TYW1B: variants seen among roughly 807,000 people sequenced by gnomAD.
TYW1B encodes tRNA-yW synthesizing protein 1 homolog B.
Under a neutral mutation model 86.9 loss-of-function variants are expected in TYW1B, and 73 were observed. The observed-to-expected ratio is 0.84, with a 90% CI of 0.70 to 1.02. The LOEUF is 1.02. TYW1B is among the 50% of genes least tolerant of loss of function. The probability of loss-of-function intolerance (pLI) is 0.00; values close to 1 mark genes in which losing one functional copy is unlikely to be tolerated. For synonymous variants in TYW1B, 248 were observed against 292.8 expected (o/e 0.85, Z 1.56); for missense variants, 637 against 827.4 (o/e 0.77, Z 2.82).
At chr7:72,639,905 C>T (rs1287739167) in intron 11 of TYW1B, among the ~76,000 whole-genome samples, 2 of 150,350 alleles carry the variant, frequency 1.3e-5, no homozygotes, top group Non-Finnish European at 3.0e-5. Flanking sequence ...ATGTGAGGTT[C>T]AAACAATATG....
chr7:72,606,071 A>C (rs1182281618), intron 13 of TYW1B, among the ~76,000 whole-genome samples: 2 of 152,184 alleles, frequency 1.3e-5, no homozygotes, highest in East Asian at 3.8e-4. Context: ...AAGAAGGCAC[A>C]CTGGCTAGGG....
chr7:72,724,951 A>T (rs1786971306), intron 9 of TYW1B, among the ~76,000 whole-genome samples: 1 of 152,106 alleles, frequency 6.6e-6, no homozygotes. Flanking sequence ...ATCCCTCAAG[A>T]GAATCTAAAT....
chr7:72,723,675 G>GA (rs1230892035), intron 9 of TYW1B, among the ~76,000 whole-genome samples: 1 of 152,166 alleles, frequency 6.6e-6, no homozygotes, highest in Non-Finnish European at 1.5e-5. Flanking sequence ...TTGAAAGGCT[G>GA]AGACAGGAGG....
intron 7 of TYW1B, among the ~76,000 whole-genome samples, chr7:72,748,232 G>A (rs797037294): frequency 2.2e-4 from 33 of 152,040 alleles, no homozygotes; most frequent in African/African-American, 6.3e-4. Context: ...TGGCGCCACT[G>A]CACTCCAGCC....
intron 7 of TYW1B, 139 bp downstream of exon 7, chr7:72,777,273 GAAGT>G: frequency 2.0e-6 from 2 of 987,984 alleles, no homozygotes; most frequent in Non-Finnish European, 3.0e-6. Context: ...GCGATCCACA[GAAGT>G]AAGAAGGTAA....
chr7:72,634,202 A>C (rs1812612222), intron 11 of TYW1B, among the ~76,000 whole-genome samples: 1 of 151,042 alleles, frequency 6.6e-6, no homozygotes, highest in African/African-American at 2.4e-5. Context: ...GGCTTGAGAT[A>C]GGGTCTGGCT....
intron 13 of TYW1B, among the ~76,000 whole-genome samples, chr7:72,588,523 C>A (rs1410662781): frequency 9.2e-5 from 14 of 152,150 alleles, no homozygotes; most frequent in South Asian, 4.1e-4. Flanking sequence ...TCTTCTTCCC[C>A]TCCCTTCACA....
intron 11 of TYW1B, among the ~76,000 whole-genome samples, chr7:72,659,335 C>T (rs1411281617): frequency 1.3e-5 from 2 of 152,062 alleles, no homozygotes; most frequent in Non-Finnish European, 2.9e-5. Flanking sequence ...TCCCAGCACT[C>T]TGGGAGGCCC....
Position 72,810,627 on chromosome 7 carries a change from T to C in TYW1B, c.276A>G (p.Thr92=), listed in dbSNP as rs782361408. Residue 92 remains threonine, a synonymous_variant, in exon 4 of 14, where the codon ACA becomes ACG. Transcript: ENST00000620995. ...SKNVCVFLVA[T]YTDGLPTESA... ...TTTCGGTTGGTAGGCCGTCAGTGTATGTCGCAACCAGGAAGACACAGACAT... is the reference window on the plus strand; with the variant it reads ...TTTCGGTTGGTAGGCCGTCAGTGTACGTCGCAACCAGGAAGACACAGACAT... 6.2e-6 allele frequency: 10 copies of C among 1,613,248 alleles called. No individual in the cohort carries two copies. Among genetic ancestry groups the C allele is most frequent in the African/African-American group, 2.7e-5 (2 of 74,898 alleles).
intron 9 of TYW1B, among the ~76,000 whole-genome samples, chr7:72,726,168 A>G (rs1348837776): frequency 1.3e-5 from 2 of 152,164 alleles, no homozygotes; most frequent in East Asian, 3.9e-4. Flanking sequence ...AAGTATAAGA[A>G]TGTAATTTGT....
intron 7 of TYW1B, among the ~76,000 whole-genome samples, chr7:72,748,886 GTCC>G (rs756254813): frequency 1.2e-4 from 18 of 151,986 alleles, no homozygotes; most frequent in Non-Finnish European, 2.5e-4. Flanking sequence ...TTAGTCTTTA[GTCC>G]TCTTTTAGTG....
At chr7:72,746,460 GA>G in intron 7 of TYW1B, among the ~76,000 whole-genome samples, 1 of 152,310 alleles carries the variant, frequency 6.6e-6, no homozygotes, top group East Asian at 1.9e-4. Context: ...AAACAAAGTT[GA>G]AGAAATGTAC....
chr7:72,698,645 CAAAAAA>C (rs782639827), intron 10 of TYW1B, among the ~76,000 whole-genome samples: 1 of 129,884 alleles, frequency 7.7e-6, no homozygotes. Flanking sequence ...GACTCCATCT[CAAAAAA>C]AAAAAAAAAG....
In TYW1B at chr7:72,711,473, C is replaced by CTTTTTTTTTTTTTTTT. The variant is rs59438928; in HGVS notation, c.1370+2132_1370+2147dup. On this transcript the variant is annotated intron_variant, in intron 10 of 13. Coordinates refer to ENST00000620995, the MANE Select transcript of TYW1B (RefSeq NM_001145440.3). ...CTTCGTGTTTCTCTCCTCTTTAATT[C>CTTTTTTTTTTTTTTTT]TTTTTTTTTTTTTTTTTTTTTTTTT... Among the ~76,000 whole-genome samples, 22 of 56,966 alleles carry CTTTTTTTTTTTTTTTT rather than the reference C, an allele frequency of 3.9e-4. 3 individuals are homozygous for CTTTTTTTTTTTTTTTT. Among genetic ancestry groups the CTTTTTTTTTTTTTTTT allele is most frequent in the African/African-American group, 8.0e-4 (11 of 13,738 alleles). The allele number at this position is 56,966 out of a possible 152,430, so 37.4% of individuals were successfully genotyped here.
At position 72,671,519 on chromosome 7, in the gene TYW1B, TTTTTA is replaced by T. The variant is rs1325903842; in HGVS notation, c.1506+23163_1506+23167del. ...ATGAACTGTTGACTCAAAGTGCACA[TTTTTA>T]TTTTAACAGCTACCATAAAAGTGAC... On this transcript the variant is annotated intron_variant, in intron 11 of 13. Coordinates refer to ENST00000620995, the MANE Select transcript of TYW1B (RefSeq NM_001145440.3). 7.9e-5 allele frequency among the ~76,000 whole-genome samples: 12 copies of T among 152,302 alleles called. No homozygotes were observed. The East Asian group carries it at 1.5e-3, about 20-fold the overall frequency.
intron 7 of TYW1B, among the ~76,000 whole-genome samples, chr7:72,766,719 G>A (rs543190327): frequency 6.6e-6 from 1 of 150,862 alleles, no homozygotes; most frequent in South Asian, 2.1e-4. Context: ...TTGAGATCAA[G>A]AGTTCAAGAC....
chr7:72,608,750 A>G (rs1410663708), intron 13 of TYW1B, among the ~76,000 whole-genome samples: 1 of 152,230 alleles, frequency 6.6e-6, no homozygotes, highest in Admixed American at 6.5e-5. Context: ...TGTCAGATAG[A>G]GTAAACTTCT....
At chr7:72,626,804 G>T (rs1489882270) in intron 12 of TYW1B, among the ~76,000 whole-genome samples, 2 of 151,888 alleles carry the variant, frequency 1.3e-5, no homozygotes, top group Non-Finnish European at 2.9e-5. Context: ...CACTCACTTT[G>T]TGACTGTTGT....
intron 10 of TYW1B, among the ~76,000 whole-genome samples, chr7:72,706,490 C>G (rs1416109194): frequency 6.7e-6 from 1 of 150,200 alleles, no homozygotes; most frequent in Non-Finnish European, 1.5e-5. Flanking sequence ...TCTTTGTGTA[C>G]CAAAATGGAG....
Sources: gnomAD v4.1 joint callset for allele counts (sites outside exome capture counted in the v4.1 genomes callset) on GRCh38, gnomAD v4.1.1 for gene constraint, MANE v1.5 for transcripts, NCBI Gene and HGNC (gene_info 2026-07-23, HGNC 2026-07-21) for gene names.